The following PRKACB variants were observed in gnomAD, a reference collection of about 807,000 sequenced individuals.
The protein encoded by PRKACB is protein kinase cAMP-activated catalytic subunit beta.
PRKACB carries 16 observed loss-of-function variants against 51.4 expected under a neutral mutation model. The ratio of observed to expected loss-of-function variants is 0.31; its 90% CI spans 0.21 to 0.47. The LOEUF is 0.47. PRKACB is among the 20% of genes least tolerant of loss of function. The pLI is 1.00. For synonymous variants in PRKACB, 147 were observed against 154.4 expected, an observed-to-expected ratio of 0.95 and a Z score of 0.35; for missense variants, 309 against 464.5, an observed-to-expected ratio of 0.67 and a Z score of 3.08.
intron 1 of PRKACB, chr1:84,164,943 A>G: frequency 3.3e-6 from 5 of 1,535,588 alleles, no homozygotes; most frequent in African/African-American, 2.8e-5. Flanking sequence ...AGAGATTAGC[A>G]TAACTCCCTT....
chr1:84,234,838 T>C (rs602207), intron 9 of PRKACB, among the ~76,000 whole-genome samples: 152,008 of 152,236 alleles, frequency 1, 75,890 homozygotes, highest in Middle Eastern at 1. Flanking sequence ...GAGATGAACC[T>C]GGTACCTCAG....
intron 1 of PRKACB, among the ~76,000 whole-genome samples, chr1:84,082,046 A>G (rs577824316): frequency 6.6e-6 from 1 of 152,342 alleles, no homozygotes; most frequent in Admixed American, 6.5e-5. Flanking sequence ...CAGGTTCTCT[A>G]ATGCTTTCCG....
At chr1:84,166,131 G>T (rs915451677) in intron 1 of PRKACB, among the ~76,000 whole-genome samples, 1 of 151,562 alleles carries the variant, frequency 6.6e-6, no homozygotes, top group African/African-American at 2.4e-5. Flanking sequence ...ATATTAAAGG[G>T]ACATTTTAAC....
chr1:84,086,165 G>C (rs1375783456), intron 1 of PRKACB: 1 of 1,598,040 alleles, frequency 6.3e-7, no homozygotes, highest in South Asian at 1.1e-5. Flanking sequence ...TGGGGATGTG[G>C]TGGACAAGTT....
At chr1:84,110,516 T>C (rs1031853132) in intron 1 of PRKACB, among the ~76,000 whole-genome samples, 2 of 151,872 alleles carry the variant, frequency 1.3e-5, no homozygotes, top group Non-Finnish European at 2.9e-5. Context: ...TTTTAATTAG[T>C]AGGGTAACAC....
chr1:84,222,725 G>A (rs1397809093), intron 9 of PRKACB, among the ~76,000 whole-genome samples: 1 of 152,136 alleles, frequency 6.6e-6, no homozygotes, highest in Non-Finnish European at 1.5e-5. Flanking sequence ...TTGCTTATCT[G>A]GGAAAGACTT....
chr1:84,161,131 G>A lies in PRKACB; in HGVS notation c.187+16583G>A, dbSNP rs187519950. ...TTCAATTCTGTCCGTTTTTATTTTA[G>A]TACTGTGGGGGCTCTTCTGTTCAAT... On this transcript the variant is annotated intron_variant, in intron 1 of 9. Transcript: ENST00000370685. Among the ~76,000 whole-genome samples the A allele has an allele frequency of 1.3e-3, 193 of 151,556 alleles. 2 individuals are homozygous for A. Among genetic ancestry groups the A allele is most frequent in the Middle Eastern group, 6.8e-3 (2 of 292 alleles).
At chr1:84,189,015 A>C (rs1303808427) in intron 5 of PRKACB, among the ~76,000 whole-genome samples, 1 of 151,964 alleles carries the variant, frequency 6.6e-6, no homozygotes, top group Non-Finnish European at 1.5e-5. Flanking sequence ...AGTAATGAAA[A>C]ACCTGATAAA....
At chr1:84,131,870 A>G (rs1288295379) in intron 1 of PRKACB, among the ~76,000 whole-genome samples, 2 of 152,212 alleles carry the variant, frequency 1.3e-5, no homozygotes, top group African/African-American at 2.4e-5. Flanking sequence ...TTTTGCTTCT[A>G]TGTATTTTAT....
chr1:84,091,013 C>A (rs565796324), intron 1 of PRKACB, among the ~76,000 whole-genome samples: 1 of 152,054 alleles, frequency 6.6e-6, no homozygotes, highest in Non-Finnish European at 1.5e-5. Context: ...ATTTAAAAAA[C>A]GTGTACCCCT....
chr1:84,153,314 G>A lies in PRKACB; in HGVS notation c.187+8766G>A, dbSNP rs191856469. Among the ~76,000 whole-genome samples the A allele has an allele frequency of 4.6e-5, 7 of 152,232 alleles. No homozygotes were observed. The East Asian group carries it at 1.2e-3, about 25-fold the overall frequency. On this transcript the variant is annotated intron_variant, in intron 1 of 9. Coordinates refer to ENST00000370685, the MANE Select transcript of PRKACB (RefSeq NM_182948.4). ...AAAATGTGACACAGAGACATGAAGT[G>A]AGCACATGCTGTAAGAAAAATGGCA...
At position 84,160,951 on chromosome 1, in the gene PRKACB, G is replaced by T. The variant is rs928796225; in HGVS notation, c.187+16403G>T. ...GCTTGATAAGAATGTGTATTCTGCTGATGTTAAATTCTGTATTTTATAAAT... is the reference window on the plus strand; with the variant it reads ...GCTTGATAAGAATGTGTATTCTGCTTATGTTAAATTCTGTATTTTATAAAT... On this transcript the variant is annotated intron_variant, in intron 1 of 9. Transcript: ENST00000370685. 2.6e-5 allele frequency among the ~76,000 whole-genome samples: 4 copies of T among 151,830 alleles called. No individual in the cohort carries two copies. The South Asian group carries it at 8.3e-4, about 31-fold the overall frequency.
At chr1:84,198,094 C>A (rs1165714587) in intron 7 of PRKACB, among the ~76,000 whole-genome samples, 3 of 151,960 alleles carry the variant, frequency 2.0e-5, no homozygotes, top group South Asian at 2.1e-4. Flanking sequence ...AAAACATAGT[C>A]TTTTCTTAAT....
In PRKACB at chr1:84,120,961, A is replaced by T. The variant is rs1038951368; in HGVS notation, c.46+42590A>T. Reference sequence around the variant, plus strand: ...GCTACAAGATTTCAAGACTTTTCAAATCTTGATCTTAGGTAATTTTTGAAG... The same window carrying T: ...GCTACAAGATTTCAAGACTTTTCAATTCTTGATCTTAGGTAATTTTTGAAG... On this transcript the variant is annotated intron_variant, in intron 1 of 8. Transcript: ENST00000370688. Among the ~76,000 whole-genome samples, 3 of 152,156 alleles carry T rather than the reference A, an allele frequency of 2.0e-5. No homozygotes were observed. The Middle Eastern group carries it at 0.01, about 518-fold the overall frequency.
chr1:84,194,698 G>A (rs1280626132), intron 5 of PRKACB, among the ~76,000 whole-genome samples: 2 of 152,138 alleles, frequency 1.3e-5, no homozygotes, highest in Non-Finnish European at 1.5e-5. Flanking sequence ...GGCTCAGGCA[G>A]GTGGATCACT....
chr1:84,095,934 A>G (rs111730271), intron 1 of PRKACB, among the ~76,000 whole-genome samples: 1 of 151,928 alleles, frequency 6.6e-6, no homozygotes, highest in African/African-American at 2.4e-5. Flanking sequence ...TTTTATTACC[A>G]GTGTGTTTTT....
intron 1 of PRKACB, among the ~76,000 whole-genome samples, chr1:84,097,877 T>A (rs1284716833): frequency 6.6e-6 from 1 of 152,130 alleles, no homozygotes; most frequent in East Asian, 1.9e-4. Context: ...ATAATGCTCA[T>A]CCACATTATT....
rs1163071943 is a variant in PRKACB, at chr1:84,201,846, G to A, written c.784-837G>A. Among the ~76,000 whole-genome samples the A allele has an allele frequency of 5.3e-5, 8 of 151,970 alleles. No individual in the cohort carries two copies. In the East Asian group the frequency reaches 1.2e-3, roughly 22 times the overall value. ...TGACCATAGTTAATAAACTATATTA[G>A]CATGTTAATATGAAGATGTTATTCT... is the stretch of plus-strand genomic sequence containing the variant. On this transcript the variant is annotated intron_variant, in intron 7 of 9. Coordinates refer to ENST00000370685, the MANE Select transcript of PRKACB (RefSeq NM_182948.4).
intron 1 of PRKACB, among the ~76,000 whole-genome samples, chr1:84,094,299 A>C (rs1648756008): frequency 6.6e-6 from 1 of 151,946 alleles, no homozygotes; most frequent in African/African-American, 2.4e-5. Flanking sequence ...ATGGGTATTT[A>C]ATTTTATCAA....
Sources: gnomAD v4.1 joint callset for allele counts (sites outside exome capture counted in the v4.1 genomes callset) on GRCh38, gnomAD v4.1.1 for gene constraint, MANE v1.5 for transcripts, NCBI Gene and HGNC (gene_info 2026-07-23, HGNC 2026-07-21) for gene names.